CASZ1: variants seen among roughly 807,000 people sequenced by gnomAD.
CASZ1 encodes zinc finger protein castor homolog 1.
In CASZ1, 28 loss-of-function variants were observed where a neutral mutation model predicts 135.2. That is an observed-to-expected ratio of 0.21 (90% CI 0.15 to 0.28). CASZ1 has a LOEUF of 0.28. Ranked by LOEUF, CASZ1 falls within the 10% of genes least tolerant of loss-of-function variation. The probability of loss-of-function intolerance (pLI) is 1.00; values close to 1 mark genes in which losing one functional copy is unlikely to be tolerated. For missense variants in CASZ1, 2,161 were observed against 2,453.3 expected (o/e 0.88, Z 2.52); for synonymous variants, 1,068 against 1,073.4 (o/e 0.99, Z 0.10).
intron 2 of CASZ1, among the ~76,000 whole-genome samples, chr1:10,740,973 A>AAAAAAAAAAAAAAAAG (rs1553138434): frequency 7.6e-6 from 1 of 131,298 alleles, no homozygotes; most frequent in Non-Finnish European, 1.6e-5. Flanking sequence ...AAAAAAAAAA[A>AAAAAAAAAAAAAAAAG]AAAAGAAAAA....
chr1:10,664,298 G>A (rs1339443082), intron 5 of CASZ1, among the ~76,000 whole-genome samples: 1 of 152,074 alleles, frequency 6.6e-6, no homozygotes, highest in African/African-American at 2.4e-5. Context: ...CCAGACCTGG[G>A]GGCTGTGGTC....
chr1:10,678,658 A>G (rs566425126), intron 4 of CASZ1, among the ~76,000 whole-genome samples: 1 of 152,104 alleles, frequency 6.6e-6, no homozygotes, highest in South Asian at 2.1e-4. Flanking sequence ...TATTTCCTTG[A>G]TTATTTCAAA....
rs778732461 is a variant in CASZ1, at chr1:10,649,089, C to T, written c.3139G>A (p.Gly1047Arg). 1.2e-6 allele frequency: 2 copies of T among 1,613,346 alleles called. No individual in the cohort carries two copies. Among genetic ancestry groups the T allele is most frequent in the Non-Finnish European group, 1.7e-6 (2 of 1,179,990 alleles). The change falls in exon 15 of 21, where the codon GGG (glycine) becomes AGG (arginine). Residue 1047 changes from glycine (G) to arginine (R), a missense_variant. By Grantham distance (125) the Gly-to-Arg change is moderately radical (BLOSUM62 -2). Coordinates refer to ENST00000377022, the MANE Select transcript of CASZ1 (RefSeq NM_001079843.3). ...ECGALFSTLD[G>R]AIKHANFHFR... ...ACTCACTTTGCGTGCTTGATGGCCC[C>T]GTCCAAGGTGCTGAAGAGCGCGCCG...
At chr1:10,787,066 T>TA (rs1235582733) in intron 1 of CASZ1, among the ~76,000 whole-genome samples, 1 of 152,214 alleles carries the variant, frequency 6.6e-6, no homozygotes, top group African/African-American at 2.4e-5. Context: ...TCGTTACGTT[T>TA]AATTACTTTA....
In CASZ1 at chr1:10,777,234, T is replaced by C. The variant is rs1254836730; in HGVS notation, c.-233-16377A>G. 6.6e-6 allele frequency among the ~76,000 whole-genome samples: 1 copy of C among 152,092 alleles called. No homozygotes were observed. The highest frequency in any genetic ancestry group is 2.4e-5 in the African/African-American group (1 of 41,420). On this transcript the variant is annotated intron_variant, in intron 1 of 20. Coordinates refer to ENST00000377022, the MANE Select transcript of CASZ1 (RefSeq NM_001079843.3). The surrounding 1 kb of genome is among the most constrained non-coding windows in gnomAD (Gnocchi z 4.4). ...AGGTGTCTCTGAGCCCACCCGAGCC[T>C]CGGAAGCTCAGCTGGGAATCTGTTC...
At chr1:10,661,880 G>T (rs1643042201) in intron 5 of CASZ1, among the ~76,000 whole-genome samples, 1 of 149,140 alleles carries the variant, frequency 6.7e-6, no homozygotes, top group South Asian at 2.1e-4. Context: ...ACAGTCACAT[G>T]CAATCACATA....
At chr1:10,737,965 C>T (rs1294703205) in intron 2 of CASZ1, among the ~76,000 whole-genome samples, 1 of 152,230 alleles carries the variant, frequency 6.6e-6, no homozygotes, top group African/African-American at 2.4e-5. Context: ...TCCCCTTTCA[C>T]TCATTCCACA....
In CASZ1 at chr1:10,647,927, G is replaced by A. The variant is rs1435856275; in HGVS notation, c.3371C>T (p.Ser1124Phe). Reference protein sequence around the residue: ...PTLLAWKQLASTIPQMPQIPA... With the variant: ...PTLLAWKQLAFTIPQMPQIPA... Reference sequence around the variant, plus strand: ...GATCTGAGGCATCTGGGGTATGGTGGAAGCCAGCTGCTTCCAGGCGAGCAG... The same window carrying A: ...GATCTGAGGCATCTGGGGTATGGTGAAAGCCAGCTGCTTCCAGGCGAGCAG... The change falls in exon 16 of 21, where the codon TCC becomes TTC. Residue 1124 changes from serine (S) to phenylalanine (F), a missense_variant. Ser to Phe is a radical substitution (Grantham distance 155). This residue lies in a region of CASZ1 where 349 missense variants were observed against 460.8 expected (regional missense o/e 0.76). Transcript: ENST00000377022. This position sits in a 1 kb window ranked among gnomAD's most constrained non-coding sequence, Gnocchi z 4.9. 6.2e-7 allele frequency: 1 copy of A among 1,612,980 alleles called. No individual in the cohort carries two copies. The highest frequency in any genetic ancestry group is 1.7e-5 in the Admixed American group (1 of 60,000).
chr1:10,696,929 G>A (rs1638946520), intron 3 of CASZ1, among the ~76,000 whole-genome samples: 1 of 152,192 alleles, frequency 6.6e-6, no homozygotes, highest in Admixed American at 6.5e-5. Flanking sequence ...GTCTCAGGCA[G>A]ACAAAGGCTA....
In CASZ1 at chr1:10,794,314, A is replaced by G. The variant is rs1316793102; in HGVS notation, c.-234+2250T>C. ...GCCTGTACCAGCTCGGAGACGTCCT[A>G]AATTTACTAACTTTGCCCCGCGACT... On this transcript the variant is annotated intron_variant, in intron 1 of 20. Coordinates refer to ENST00000377022, the MANE Select transcript of CASZ1 (RefSeq NM_001079843.3). The surrounding 1 kb of genome is among the most constrained non-coding windows in gnomAD (Gnocchi z 5.6). Among the ~76,000 whole-genome samples, 2 of 151,962 alleles carry G rather than the reference A, an allele frequency of 1.3e-5. No individual in the cohort carries two copies. The highest frequency in any genetic ancestry group is 4.8e-5 in the African/African-American group (2 of 41,390).
rs184944874 is a variant in CASZ1 at position 10,747,301 on chromosome 1, G to A, written c.-77+13400C>T. 1.3e-5 allele frequency among the ~76,000 whole-genome samples: 2 copies of A among 152,278 alleles called. No homozygotes were observed. Among genetic ancestry groups the A allele is most frequent in the South Asian group, 2.1e-4 (1 of 4,822 alleles). On this transcript the variant is annotated intron_variant, in intron 2 of 20. Coordinates refer to ENST00000377022, the MANE Select transcript of CASZ1 (RefSeq NM_001079843.3). The surrounding 1 kb of genome is among the most constrained non-coding windows in gnomAD (Gnocchi z 4.3). ...CAGAGAGAGGCAGGGTTCTGAATAC[G>A]CTCATCTTTCGTAGATGCAACCCAG...
chr1:10,727,869 G>T lies in CASZ1; in HGVS notation c.-76-22325C>A, dbSNP rs780143958. 2.6e-5 allele frequency among the ~76,000 whole-genome samples: 4 copies of T among 152,218 alleles called. No individual in the cohort carries two copies. Among genetic ancestry groups the T allele is most frequent in the Non-Finnish European group, 4.4e-5 (3 of 68,034 alleles). ...GGCCAGACAGCATGTATGAGTGTTGGGGGTGAGCTGGGGGGAGAACTCAGG... is the reference window on the plus strand; with the variant it reads ...GGCCAGACAGCATGTATGAGTGTTGTGGGTGAGCTGGGGGGAGAACTCAGG... On this transcript the variant is annotated intron_variant, in intron 2 of 20. Coordinates refer to ENST00000377022, the MANE Select transcript of CASZ1 (RefSeq NM_001079843.3). The surrounding 1 kb of genome is among the most constrained non-coding windows in gnomAD (Gnocchi z 5.3).
chr1:10,664,327 G>A (rs901517153), intron 5 of CASZ1, among the ~76,000 whole-genome samples: 1 of 152,006 alleles, frequency 6.6e-6, no homozygotes, highest in African/African-American at 2.4e-5. Context: ...CCCCTTGCCT[G>A]CTGGAACCCC....
rs180909158 is a variant in CASZ1, at chr1:10,666,822, G to A, written c.17-1251C>T. On this transcript the variant is annotated intron_variant, in intron 4 of 20. Coordinates refer to ENST00000377022, the MANE Select transcript of CASZ1 (RefSeq NM_001079843.3). The surrounding 1 kb of genome is among the most constrained non-coding windows in gnomAD (Gnocchi z 5.2). ...GCACACACACGCGTGCACACACAGC[G>A]CAGCCACATGGAACTGTCTGTCTGT... Among the ~76,000 whole-genome samples, 12 of 152,320 alleles carry A rather than the reference G, an allele frequency of 7.9e-5. 1 individual carries two copies. The highest frequency in any genetic ancestry group is 2.6e-4 in the Admixed American group (4 of 15,312).
At position 10,638,021 on chromosome 1, in the gene CASZ1, C is replaced by T. The variant is rs1018287920; in HGVS notation, c.*921G>A. ...CAAACAGTTAAGGCCTCTACAAAAA[C>T]CCTGGACCAAATCCCACAGGATAAA... is the stretch of plus-strand genomic sequence containing the variant. On this transcript the variant is annotated 3_prime_UTR_variant, in exon 21 of 21. Transcript: ENST00000377022. This position sits in a 1 kb window ranked among gnomAD's most constrained non-coding sequence, Gnocchi z 5.9. 1.3e-5 allele frequency: 2 copies of T among 152,452 alleles called. No individual in the cohort carries two copies. Among genetic ancestry groups the T allele is most frequent in the African/African-American group, 4.8e-5 (2 of 41,450 alleles). 9.4% of individuals were successfully genotyped at this position (152,452 alleles called of 1,614,324 possible).
At chr1:10,686,680 C>T (rs1394506124) in intron 4 of CASZ1, among the ~76,000 whole-genome samples, 2 of 152,230 alleles carry the variant, frequency 1.3e-5, no homozygotes, top group African/African-American at 4.8e-5. Flanking sequence ...CTTATTGCTT[C>T]TCCCCTTAAT....
In CASZ1 at chr1:10,777,379, C is replaced by A. The variant is rs932789103; in HGVS notation, c.-233-16522G>T. 2.6e-5 allele frequency among the ~76,000 whole-genome samples: 4 copies of A among 152,144 alleles called. No individual in the cohort carries two copies. The highest frequency in any genetic ancestry group is 9.7e-5 in the African/African-American group (4 of 41,404). ...GACTTCACCCTTCACCCACAAGCCT[C>A]CTTTCTCTTATTGGTCAAACCACCG... On this transcript the variant is annotated intron_variant, in intron 1 of 20. Coordinates refer to ENST00000377022, the MANE Select transcript of CASZ1 (RefSeq NM_001079843.3). The surrounding 1 kb of genome is among the most constrained non-coding windows in gnomAD (Gnocchi z 4.4).
rs72862951 is a variant in CASZ1 at position 10,779,227 on chromosome 1, C to T, written c.-234+17337G>A. ...CCCCACCTTGAATAAATAAAGCACC[C>T]GAAGCTGGCACCGGCTGGTGAGGAA... On this transcript the variant is annotated intron_variant, in intron 1 of 20. Transcript: ENST00000377022. Among the ~76,000 whole-genome samples, 709 of 151,578 alleles carry T rather than the reference C, an allele frequency of 4.7e-3. 6 individuals are homozygous for T. Among genetic ancestry groups the T allele is most frequent in the African/African-American group, 0.015 (614 of 41,190 alleles).
At position 10,694,735 on chromosome 1, in the gene CASZ1, G is replaced by T. The variant is rs1638885786; in HGVS notation, c.-23-823C>A. On this transcript the variant is annotated intron_variant, in intron 3 of 20. Coordinates refer to ENST00000377022, the MANE Select transcript of CASZ1 (RefSeq NM_001079843.3). The surrounding 1 kb of genome is among the most constrained non-coding windows in gnomAD (Gnocchi z 6.6). Reference sequence around the variant, plus strand: ...GCGCCCGCGCCGCACTGGCAGGGCGGCCGGCTCCATTGGCTCTGCGATTCC... The same window carrying T: ...GCGCCCGCGCCGCACTGGCAGGGCGTCCGGCTCCATTGGCTCTGCGATTCC... 7.0e-6 allele frequency among the ~76,000 whole-genome samples: 1 copy of T among 143,378 alleles called. No individual in the cohort carries two copies. Among genetic ancestry groups the T allele is most frequent in the Non-Finnish European group, 1.6e-5 (1 of 64,252 alleles). 94.1% of individuals were successfully genotyped at this position (143,378 alleles called of 152,430 possible).
Sources: allele counts gnomAD v4.1 joint callset (sites outside exome capture counted in the v4.1 genomes callset), GRCh38; gene constraint gnomAD v4.1.1; regional missense constraint gnomAD v4.1.1; non-coding constraint Gnocchi (gnomAD v3.1); transcripts MANE v1.5; gene names NCBI Gene and HGNC (gene_info 2026-07-23, HGNC 2026-07-21).